Variants in RTL4 observed in about 807,000 individuals in gnomAD.
RTL4 encodes the protein retrotransposon Gag-like protein 4.
In RTL4, 4 loss-of-function variants were observed where a neutral mutation model predicts 5.3. The observed-to-expected ratio is 0.75, with a 90% CI of 0.37 to 1.72. The LOEUF (loss-of-function observed/expected upper bound fraction) is 1.72, where lower values mean the gene tolerates loss of function less well. Ranked by LOEUF, RTL4 falls within the 40% of genes most tolerant of loss-of-function variation. RTL4 has a pLI of 0.04. For synonymous variants in RTL4, 98 were observed against 87.3 expected (o/e 1.12, Z -0.68); for missense variants, 260 against 227.1 (o/e 1.14, Z -0.93).
the RTL4 span, among the ~76,000 whole-genome samples, chrX:112,159,176 C>T: frequency 8.9e-6 from 1 of 112,339 alleles, no homozygotes; most frequent in Non-Finnish European, 1.9e-5. Context: ...GTGTTTGCCT[C>T]TGTCACATTG....
chrX:112,185,376 AATATAT>A, the RTL4 span, among the ~76,000 whole-genome samples: 1,619 of 85,305 alleles, frequency 0.019, 45 homozygotes, highest in African/African-American at 0.069. Context: ...CTATTTTATT[AATATAT>A]ATATATATAT....
chrX:112,111,331 C>A, the RTL4 span, among the ~76,000 whole-genome samples: 1 of 111,182 alleles, frequency 9.0e-6, no homozygotes, highest in Admixed American at 9.6e-5. Context: ...CTCTCATTGA[C>A]TTCCTGTCTT....
At chrX:112,121,512 A>G in the RTL4 span, among the ~76,000 whole-genome samples, 1 of 111,834 alleles carries the variant, frequency 8.9e-6, no homozygotes, top group African/African-American at 3.2e-5. Flanking sequence ...ACAGGAGATC[A>G]GAAGGTTTAA....
At chrX:112,156,656 G>T in the RTL4 span, among the ~76,000 whole-genome samples, 1 of 111,953 alleles carries the variant, frequency 8.9e-6, no homozygotes, top group Admixed American at 9.5e-5. Context: ...GCTGGAGTGG[G>T]TGGGGGTTGG....
the RTL4 span, among the ~76,000 whole-genome samples, chrX:112,092,365 A>G: frequency 8.9e-6 from 1 of 111,767 alleles, no homozygotes; most frequent in African/African-American, 3.3e-5. Flanking sequence ...AAGGACCAAT[A>G]TGGGAAAGCT....
At chrX:112,125,790 T>C in the RTL4 span, among the ~76,000 whole-genome samples, 1 of 111,713 alleles carries the variant, frequency 9.0e-6, no homozygotes, top group African/African-American at 3.3e-5. Flanking sequence ...TAAAATGCTG[T>C]TTAAAATCAT....
chrX:112,290,696 GATA>G, the RTL4 span, among the ~76,000 whole-genome samples: 1 of 112,073 alleles, frequency 8.9e-6, no homozygotes, highest in Non-Finnish European at 1.9e-5. Context: ...ATTTCCTGTT[GATA>G]ATTTGAGTAT....
chrX:112,104,386 C>T, the RTL4 span, among the ~76,000 whole-genome samples: 1 of 112,191 alleles, frequency 8.9e-6, no homozygotes, highest in Middle Eastern at 4.6e-3. Context: ...CTTCAGCATA[C>T]TGATTTCATT....
the RTL4 span, among the ~76,000 whole-genome samples, chrX:112,435,340 AT>A: frequency 8.9e-6 from 1 of 112,029 alleles, no homozygotes; most frequent in Non-Finnish European, 1.9e-5. Context: ...CTGTGTATTC[AT>A]TCAGTTTTCT....
the RTL4 span, among the ~76,000 whole-genome samples, chrX:112,138,513 A>G: frequency 0.024 from 2,636 of 111,621 alleles, 34 homozygotes; most frequent in Non-Finnish European, 0.035. Context: ...GTACTTATCT[A>G]GGAACTCATC....
the RTL4 span, among the ~76,000 whole-genome samples, chrX:112,203,572 G>A: frequency 5.4e-5 from 6 of 110,381 alleles, no homozygotes; most frequent in Non-Finnish European, 9.5e-5. Flanking sequence ...CATATGGGTC[G>A]ATTTCTGGCT....
chrX:112,366,944 C>G, the RTL4 span, among the ~76,000 whole-genome samples: 2 of 111,473 alleles, frequency 1.8e-5, no homozygotes, highest in Non-Finnish European at 3.8e-5. Flanking sequence ...AAGGCATGGG[C>G]TCTCTGCTAC....
At chrX:112,228,158 G>A in the RTL4 span, among the ~76,000 whole-genome samples, 2 of 110,943 alleles carry the variant, frequency 1.8e-5, no homozygotes, top group Admixed American at 1.9e-4. Flanking sequence ...GTGGATGCTG[G>A]GAACCTGGGG....
the RTL4 span, among the ~76,000 whole-genome samples, chrX:112,262,534 T>C: frequency 8.9e-6 from 1 of 111,816 alleles, no homozygotes; most frequent in Non-Finnish European, 1.9e-5. Flanking sequence ...TATTAAAAAG[T>C]CAGGAAACAA....
chrX:112,174,538 G>A, the RTL4 span, among the ~76,000 whole-genome samples: 1 of 105,711 alleles, frequency 9.5e-6, no homozygotes, highest in African/African-American at 3.4e-5. Context: ...GCCACAATAA[G>A]CATACATGTG....
At chrX:112,389,311 T>C in the RTL4 span, among the ~76,000 whole-genome samples, 6 of 101,212 alleles carry the variant, frequency 5.9e-5, no homozygotes. Context: ...GCTACTGTTC[T>C]AGCTATCATG....
At chrX:112,307,314 C>T in the RTL4 span, among the ~76,000 whole-genome samples, 3 of 111,805 alleles carry the variant, frequency 2.7e-5, no homozygotes, top group African/African-American at 9.7e-5. Context: ...GAAAGGTTAA[C>T]TTGTCCAAGT....
chrX:112,399,604 T>A, the RTL4 span, among the ~76,000 whole-genome samples: 1 of 111,325 alleles, frequency 9.0e-6, no homozygotes, highest in Non-Finnish European at 1.9e-5. Flanking sequence ...TAGTTTCCAA[T>A]TTTTTTTCTT....
chrX:112,339,335 T>TA, the RTL4 span, among the ~76,000 whole-genome samples: 1 of 111,662 alleles, frequency 9.0e-6, no homozygotes, highest in Admixed American at 9.5e-5. Flanking sequence ...TACATTAGGG[T>TA]AACGTTTGCA....
Sources: gnomAD v4.1 joint callset for allele counts (sites outside exome capture counted in the v4.1 genomes callset) on GRCh38, gnomAD v4.1.1 for gene constraint, MANE v1.5 for transcripts, NCBI Gene and HGNC (gene_info 2026-07-23, HGNC 2026-07-21) for gene names.